Variants in SDK1 observed in about 807,000 individuals in gnomAD.
SDK1 encodes the protein protein sidekick-1.
In SDK1, 157 loss-of-function variants were observed where a neutral mutation model predicts 245.5. That is an observed-to-expected ratio of 0.64 (90% CI 0.56 to 0.73). The LOEUF is 0.73. Ranked by LOEUF, SDK1 falls within the 30% of genes least tolerant of loss-of-function variation. The pLI, the probability that SDK1 is intolerant of heterozygous loss-of-function variation, is 0.00. For missense variants in SDK1, 3,583 were observed against 3,002.3 expected (o/e 1.19, Z -4.52); for synonymous variants, 1,647 against 1,278.5 (o/e 1.29, Z -6.15).
intron 35 of SDK1, among the ~76,000 whole-genome samples, chr7:4,197,667 C>T (rs1196585551): frequency 6.6e-6 from 1 of 152,210 alleles, no homozygotes; most frequent in African/African-American, 2.4e-5. Flanking sequence ...GCTCACTGTC[C>T]TGCAGCTCTT....
intron 2 of SDK1, among the ~76,000 whole-genome samples, chr7:3,627,994 A>C (rs1201476141): frequency 2.0e-5 from 3 of 152,016 alleles, no homozygotes; most frequent in East Asian, 3.9e-4. Flanking sequence ...TTCTTTCTCA[A>C]ATCTCTCCCT....
Position 4,265,276 on chromosome 7 carries a change from G to A in SDK1, c.6534G>A (p.Ala2178=). ...ACGAGGCGGTGGCGGGCTCCGAGGC[G>A]GGCGCGCAGCTGCACCCGGTCATCA... ...HRYEAVAGSE[A]GAQLHPVITT... The change falls in exon 45 of 45, where the codon GCG becomes GCA. Residue 2178 remains alanine, a synonymous_variant. Coordinates refer to ENST00000404826, the MANE Select transcript of SDK1 (RefSeq NM_152744.4). 1 of 1,590,708 alleles carries A rather than the reference G, an allele frequency of 6.3e-7. No homozygotes were observed. The highest frequency in any genetic ancestry group is 1.1e-5 in the South Asian group (1 of 89,854).
intron 44 of SDK1, 88 bp downstream of exon 44, chr7:4,245,893 T>A (rs75274073): frequency 0.029 from 43,994 of 1,508,676 alleles, 778 homozygotes; most frequent in Middle Eastern, 0.036. Flanking sequence ...TCTTGTCCTA[T>A]TTGAGTCTCA....
intron 17 of SDK1, among the ~76,000 whole-genome samples, chr7:4,048,447 A>G (rs1789180395): frequency 6.6e-6 from 1 of 152,046 alleles, no homozygotes; most frequent in African/African-American, 2.4e-5. Context: ...AGACAATCCC[A>G]GCGAGACCCG....
chr7:3,533,834 T>G (rs1409340050), intron 1 of SDK1, among the ~76,000 whole-genome samples: 4 of 152,170 alleles, frequency 2.6e-5, no homozygotes, highest in African/African-American at 9.7e-5. Context: ...GTGAATATAT[T>G]CAATATATTT....
intron 5 of SDK1, among the ~76,000 whole-genome samples, chr7:3,912,770 G>A (rs1779220905): frequency 6.6e-6 from 1 of 152,220 alleles, no homozygotes; most frequent in Non-Finnish European, 1.5e-5. Flanking sequence ...AGAAGGAAGA[G>A]GAAGGAGACC....
intron 35 of SDK1, among the ~76,000 whole-genome samples, chr7:4,198,303 AC>A (rs1433304396): frequency 6.6e-6 from 1 of 152,152 alleles, no homozygotes; most frequent in East Asian, 1.9e-4. Flanking sequence ...TTCCCACTGC[AC>A]CCCTGACAGC....
chr7:3,733,247 C>T (rs1295230470), intron 4 of SDK1, among the ~76,000 whole-genome samples: 1 of 152,054 alleles, frequency 6.6e-6, no homozygotes, highest in Non-Finnish European at 1.5e-5. Context: ...AATTTAGTAT[C>T]CCAGAATATG....
rs1404128435 is a variant in SDK1, at chr7:4,265,328, A to C, written c.6586A>C (p.Thr2196Pro). ...CACGCAGAGCGCGGGCGGCGTCTAC[A>C]CCCCCGCTGGCCCCGGCGCGCGAAC... ...ITTQSAGGVY[T>P]PAGPGARTPL... is the part of the protein sequence containing the mutation. Residue 2196 changes from threonine (T) to proline (P), a missense_variant, in exon 45 of 45, where the codon ACC becomes CCC. Thr to Pro is a conservative substitution (Grantham distance 38). Transcript: ENST00000404826. 1.3e-6 allele frequency: 2 copies of C among 1,497,682 alleles called. No individual in the cohort carries two copies. Among genetic ancestry groups the C allele is most frequent in the Non-Finnish European group, 1.8e-6 (2 of 1,136,424 alleles). 92.8% of individuals were successfully genotyped at this position (1,497,682 alleles called of 1,614,324 possible). A position where few individuals can be genotyped will look rare whatever the true frequency, so the allele number is the denominator to read the frequency against.
chr7:3,829,505 C>G (rs1465840213), intron 5 of SDK1, among the ~76,000 whole-genome samples: 2 of 152,110 alleles, frequency 1.3e-5, no homozygotes, highest in Non-Finnish European at 2.9e-5. Context: ...AAATTATTGA[C>G]CCAGATCACA....
At chr7:4,256,919 G>A (rs1016015245) in intron 44 of SDK1, among the ~76,000 whole-genome samples, 2 of 152,226 alleles carry the variant, frequency 1.3e-5, no homozygotes, top group Admixed American at 1.3e-4. Flanking sequence ...AAATTCTGCA[G>A]ATCCGTTCCC....
At chr7:3,531,252 T>G (rs1055040685) in intron 1 of SDK1, among the ~76,000 whole-genome samples, 2 of 152,216 alleles carry the variant, frequency 1.3e-5, no homozygotes, top group African/African-American at 4.8e-5. Context: ...TATTTGGGGT[T>G]GATCTTTATC....
intron 5 of SDK1, among the ~76,000 whole-genome samples, chr7:3,839,025 C>G (rs1346134850): frequency 1.3e-5 from 2 of 152,140 alleles, no homozygotes; most frequent in African/African-American, 4.8e-5. Flanking sequence ...GGGATCTTCA[C>G]GTCAGGCCTC....
intron 5 of SDK1, among the ~76,000 whole-genome samples, chr7:3,877,209 C>G (rs1293307290): frequency 6.6e-6 from 1 of 152,164 alleles, no homozygotes; most frequent in Non-Finnish European, 1.5e-5. Context: ...CCCTCCTGGC[C>G]CATGGCAGCT....
chr7:4,237,646 G>T lies in SDK1; in HGVS notation c.5993-1G>T. 1 of 1,614,134 alleles carries T rather than the reference G, an allele frequency of 6.2e-7. No homozygotes were observed. Among genetic ancestry groups the T allele is most frequent in the Non-Finnish European group, 8.5e-7 (1 of 1,180,014 alleles). On this transcript the variant is annotated splice_acceptor_variant, in intron 41 of 44. Coordinates refer to ENST00000404826, the MANE Select transcript of SDK1 (RefSeq NM_152744.4). LOFTEE classifies it high-confidence loss of function. ...ATTGTGTGTCCGTGTCTTTTCCACAGCTCAAGTGGAAGCCCCATTCTACGA... is the reference window on the plus strand; with the variant it reads ...ATTGTGTGTCCGTGTCTTTTCCACATCTCAAGTGGAAGCCCCATTCTACGA...
Position 3,354,683 on chromosome 7 carries a change from C to T in SDK1, c.298+52799C>T, listed in dbSNP as rs1167930769. Among the ~76,000 whole-genome samples, 3 of 152,132 alleles carry T rather than the reference C, an allele frequency of 2.0e-5. No homozygotes were observed. In the East Asian group the frequency reaches 5.8e-4, roughly 29 times the overall value. On this transcript the variant is annotated intron_variant, in intron 1 of 44. Transcript: ENST00000404826. ...GTGTTTCATTGGGAATTAATATTGA[C>T]TTTATAGGTCTTGGGTAGATTATTT...
rs6944313 is a variant in SDK1, at chr7:3,839,760, G to T, written c.847+18177G>T. Among the ~76,000 whole-genome samples, 566 of 152,238 alleles carry T rather than the reference G, an allele frequency of 3.7e-3. 2 individuals are homozygous for T. The highest frequency in any genetic ancestry group is 0.013 in the African/African-American group (550 of 41,548). On this transcript the variant is annotated intron_variant, in intron 5 of 44. Coordinates refer to ENST00000404826, the MANE Select transcript of SDK1 (RefSeq NM_152744.4). Reference sequence around the variant, plus strand: ...TATTTGTCACAATGTATAATGATGTGTGATGGTTTGATTAATTGTGAATAG... The same window carrying T: ...TATTTGTCACAATGTATAATGATGTTTGATGGTTTGATTAATTGTGAATAG...
In SDK1 at chr7:3,908,386, G is replaced by C. The variant is rs548937441; in HGVS notation, c.848-42537G>C. The stretch of plus-strand genomic sequence containing the variant: ...TCAGCTTGGTCTCATTCCCCACCAC[G>C]AACCTCGTGTCCCGACAGCGTCGAC... On this transcript the variant is annotated intron_variant, in intron 5 of 44. Transcript: ENST00000404826. Among the ~76,000 whole-genome samples, 143 of 152,248 alleles carry C rather than the reference G, an allele frequency of 9.4e-4. No individual in the cohort carries two copies. The Middle Eastern group carries it at 0.01, about 11-fold the overall frequency.
At chr7:4,099,809 A>G (rs2128186703) in intron 22 of SDK1, among the ~76,000 whole-genome samples, 2 of 150,810 alleles carry the variant, frequency 1.3e-5, no homozygotes, top group Middle Eastern at 3.4e-3. Context: ...CTGGTGGGAA[A>G]GGCCATGCTT....
Sources: gnomAD v4.1 joint callset for allele counts (sites outside exome capture counted in the v4.1 genomes callset) on GRCh38, gnomAD v4.1.1 for gene constraint, MANE v1.5 for transcripts, NCBI Gene and HGNC (gene_info 2026-07-23, HGNC 2026-07-21) for gene names.